EXOC5: variants seen among roughly 807,000 people sequenced by gnomAD.
The protein encoded by EXOC5 is SEC10-like 1.
In EXOC5, 17 loss-of-function variants were observed where a neutral mutation model predicts 90.8. The ratio of observed to expected loss-of-function variants is 0.19; its 90% CI spans 0.13 to 0.28. EXOC5 has a LOEUF of 0.28. Ranked by LOEUF, EXOC5 falls within the 10% of genes least tolerant of loss-of-function variation. The probability of loss-of-function intolerance (pLI) is 1.00; values close to 1 mark genes in which losing one functional copy is unlikely to be tolerated. For synonymous variants in EXOC5, 260 were observed against 270.0 expected (o/e 0.96, Z 0.36); for missense variants, 569 against 830.6 (o/e 0.69, Z 3.87).
At chr14:57,263,261 T>G (rs1007916365) in intron 1 of EXOC5, among the ~76,000 whole-genome samples, 40 of 152,028 alleles carry the variant, frequency 2.6e-4, no homozygotes, top group African/African-American at 9.2e-4. Context: ...ACTTGTGTCC[T>G]GGAGTTGGAG....
chr14:57,229,064 T>C (rs1883399894), intron 12 of EXOC5, among the ~76,000 whole-genome samples: 1 of 152,192 alleles, frequency 6.6e-6, no homozygotes, highest in Non-Finnish European at 1.5e-5. Flanking sequence ...CCCTTTGATG[T>C]TGATGCTCTT....
At chr14:57,265,356 G>GA (rs1418204232) in intron 1 of EXOC5, among the ~76,000 whole-genome samples, 7 of 152,198 alleles carry the variant, frequency 4.6e-5, no homozygotes, top group African/African-American at 1.2e-4. Context: ...AATTATGGGG[G>GA]AAAAAATTAA....
At chr14:57,211,396 C>CT (rs1173297086) in intron 15 of EXOC5, among the ~76,000 whole-genome samples, 3 of 149,386 alleles carry the variant, frequency 2.0e-5, no homozygotes, top group African/African-American at 7.7e-5. Flanking sequence ...TCAGACGTCA[C>CT]TTTTTTCTCA....
At chr14:57,211,494 A>G (rs767035755) in intron 15 of EXOC5, among the ~76,000 whole-genome samples, 11 of 152,178 alleles carry the variant, frequency 7.2e-5, no homozygotes, top group South Asian at 2.1e-4. Flanking sequence ...CCAGGCATGC[A>G]TAACTGTCTT....
chr14:57,263,137 A>T (rs1884566596), intron 1 of EXOC5, among the ~76,000 whole-genome samples: 1 of 152,198 alleles, frequency 6.6e-6, no homozygotes, highest in Non-Finnish European at 1.5e-5. Context: ...AAAAAAAGTA[A>T]GGTCAGCCCT....
chr14:57,251,055 C>A (rs1342468565), intron 1 of EXOC5, among the ~76,000 whole-genome samples: 1 of 152,200 alleles, frequency 6.6e-6, no homozygotes, highest in Non-Finnish European at 1.5e-5. Flanking sequence ...ATCTAGGTAA[C>A]AACTGCACTC....
rs1434237932 is a variant in EXOC5, at chr14:57,208,057, A to G, written c.*552T>C. 6.6e-6 allele frequency: 1 copy of G among 152,280 alleles called. No individual in the cohort carries two copies. The highest frequency in any genetic ancestry group is 2.4e-5 in the African/African-American group (1 of 41,452). The allele number at this position is 152,280 out of a possible 1,614,324, so 9.4% of individuals were successfully genotyped here. A position where few individuals can be genotyped will look rare whatever the true frequency, so the allele number is the denominator to read the frequency against. Reference sequence around the variant, plus strand: ...ATGCTGTACCTCAGAAAAAAATCCAATCAACCAACTGCAGAAAGTATGCTT... The same window carrying G: ...ATGCTGTACCTCAGAAAAAAATCCAGTCAACCAACTGCAGAAAGTATGCTT... On this transcript the variant is annotated 3_prime_UTR_variant, in exon 18 of 18. Coordinates refer to ENST00000621441, the MANE Select transcript of EXOC5 (RefSeq NM_006544.4).
intron 5 of EXOC5, among the ~76,000 whole-genome samples, chr14:57,238,375 T>TACAC (rs1183693696): frequency 0.2 from 14,958 of 74,572 alleles, 2,471 homozygotes; most frequent in Non-Finnish European, 0.3. Flanking sequence ...TATATATATA[T>TACAC]ACACACACAC....
chr14:57,209,546 G>C, intron 17 of EXOC5, 21 bp downstream of exon 17: 1 of 1,460,404 alleles, frequency 6.8e-7, no homozygotes. Context: ...TTGCAAGTTT[G>C]ATGTTTTTGT....
intron 1 of EXOC5, among the ~76,000 whole-genome samples, chr14:57,262,431 G>T (rs1884528444): frequency 6.6e-6 from 1 of 151,644 alleles, no homozygotes; most frequent in African/African-American, 2.4e-5. Flanking sequence ...TTCCTAAACT[G>T]CTATGTCTAA....
chr14:57,253,554 C>G (rs1199082738), intron 1 of EXOC5, among the ~76,000 whole-genome samples: 1 of 152,138 alleles, frequency 6.6e-6, no homozygotes, highest in Non-Finnish European at 1.5e-5. Context: ...GAGCACAAAA[C>G]AATCTTGAAA....
At chr14:57,262,927 T>C (rs1220278424) in intron 1 of EXOC5, among the ~76,000 whole-genome samples, 1 of 152,088 alleles carries the variant, frequency 6.6e-6, no homozygotes, top group Non-Finnish European at 1.5e-5. Context: ...TCAAATTTCT[T>C]CTCTGTCACC....
intron 6 of EXOC5, among the ~76,000 whole-genome samples, chr14:57,236,303 TC>T (rs1408290455): frequency 6.6e-6 from 1 of 150,852 alleles, no homozygotes; most frequent in Non-Finnish European, 1.5e-5. Flanking sequence ...TTTTTTTTTT[TC>T]GAGACAGAGT....
chr14:57,222,612 TCTC>T (rs1408050489), intron 12 of EXOC5, among the ~76,000 whole-genome samples, 196 bp from the exon 13 acceptor site: 3 of 151,572 alleles, frequency 2.0e-5, no homozygotes, highest in Non-Finnish European at 4.4e-5. Flanking sequence ...TATCTACAAC[TCTC>T]CTGACTTAGA....
At chr14:57,265,131 C>A (rs936037628) in intron 1 of EXOC5, among the ~76,000 whole-genome samples, 2 of 151,320 alleles carry the variant, frequency 1.3e-5, no homozygotes, top group East Asian at 1.9e-4. Context: ...GGTCACTGAA[C>A]CCTTTTTTTT....
intron 16 of EXOC5, 64 bp downstream of exon 16, chr14:57,209,889 G>T: frequency 1.7e-6 from 2 of 1,181,636 alleles, no homozygotes; most frequent in Non-Finnish European, 2.4e-6. Context: ...AAAATCTAGG[G>T]CACAGTAGGA....
chr14:57,229,507 T>C (rs1883411782), intron 12 of EXOC5, among the ~76,000 whole-genome samples: 1 of 152,122 alleles, frequency 6.6e-6, no homozygotes, highest in African/African-American at 2.4e-5. Flanking sequence ...TTACAGAGAT[T>C]TACGTTGCAC....
chr14:57,263,384 C>T (rs916022633), intron 1 of EXOC5, among the ~76,000 whole-genome samples: 4 of 152,026 alleles, frequency 2.6e-5, no homozygotes, highest in South Asian at 2.1e-4. Context: ...GTGGGAGGAT[C>T]GCTTTTGCCT....
At position 57,232,675 on chromosome 14, in the gene EXOC5, C is replaced by A; in HGVS notation, c.930G>T (p.Leu310=). 1 of 1,409,976 alleles carries A rather than the reference C, an allele frequency of 7.1e-7. No individual in the cohort carries two copies. The highest frequency in any genetic ancestry group is 1.3e-5 in the South Asian group (1 of 77,460). 87.3% of individuals were successfully genotyped at this position (1,409,976 alleles called of 1,614,324 possible). Residue 310 remains leucine, a synonymous_variant, in exon 10 of 18, where the codon CTG becomes CTT. Coordinates refer to ENST00000621441, the MANE Select transcript of EXOC5 (RefSeq NM_006544.4). ...AATCATTAAAAATTTACCTTGTATA[C>A]AGATCATAGAGATTTTTGAGATATT... ...AEQYLKNLYD[L]YTRTTNLSSK...
Sources: gnomAD v4.1 joint callset for allele counts (sites outside exome capture counted in the v4.1 genomes callset) on GRCh38, gnomAD v4.1.1 for gene constraint, MANE v1.5 for transcripts, NCBI Gene and HGNC (gene_info 2026-07-23, HGNC 2026-07-21) for gene names.